The following SFMBT2 variants were observed in gnomAD, a reference collection of about 807,000 sequenced individuals.
The protein encoded by SFMBT2 is Scm like with four mbt domains 2, also known as scm-like with four MBT domains protein 2.
SFMBT2 carries 38 observed loss-of-function variants against 110.1 expected under a neutral mutation model. The observed-to-expected ratio is 0.35, with a 90% confidence interval of 0.27 to 0.45. The LOEUF (loss-of-function observed/expected upper bound fraction) is 0.45, where lower values mean the gene tolerates loss of function less well. Ranked by LOEUF, SFMBT2 falls within the 20% of genes least tolerant of loss-of-function variation. The probability of loss-of-function intolerance (pLI) is 1.00; values close to 1 mark genes in which losing one functional copy is unlikely to be tolerated. For synonymous variants in SFMBT2, 425 were observed against 425.4 expected (o/e 1.00, Z 0.01); for missense variants, 1,011 against 1,094.9 (o/e 0.92, Z 1.08).
At chr10:7,272,676 A>T (rs1001951506) in intron 7 of SFMBT2, among the ~76,000 whole-genome samples, 1 of 152,194 alleles carries the variant, frequency 6.6e-6, no homozygotes, top group Middle Eastern at 3.2e-3. Context: ...CCCAGGTGGG[A>T]CATTGGGAGA....
intron 4 of SFMBT2, among the ~76,000 whole-genome samples, chr10:7,362,565 T>C (rs1391080384): frequency 6.6e-6 from 1 of 152,238 alleles, no homozygotes; most frequent in Non-Finnish European, 1.5e-5. Flanking sequence ...TCTGGAGCTC[T>C]GCAACCTCCA....
At chr10:7,271,080 T>A (rs1841562700) in intron 7 of SFMBT2, among the ~76,000 whole-genome samples, 1 of 150,926 alleles carries the variant, frequency 6.6e-6, no homozygotes. Flanking sequence ...AGTTCAGGAG[T>A]TCAAGACCAG....
chr10:7,259,905 G>C (rs902263345), intron 7 of SFMBT2, among the ~76,000 whole-genome samples: 1 of 152,220 alleles, frequency 6.6e-6, no homozygotes, highest in Non-Finnish European at 1.5e-5. Context: ...TGCAGACCCG[G>C]TGCTGCCAGT....
chr10:7,227,597 A>G (rs1006709314), intron 10 of SFMBT2, among the ~76,000 whole-genome samples: 3 of 152,216 alleles, frequency 2.0e-5, no homozygotes, highest in African/African-American at 4.8e-5. Context: ...GGGCTCTTCC[A>G]TAAGTGAGAC....
At chr10:7,333,409 A>G (rs1330181377) in intron 4 of SFMBT2, among the ~76,000 whole-genome samples, 1 of 127,812 alleles carries the variant, frequency 7.8e-6, no homozygotes, top group African/African-American at 3.3e-5. Flanking sequence ...TTTTTTTTTT[A>G]AGGGACAGGG....
chr10:7,206,844 G>A (rs1212246963), intron 11 of SFMBT2: 11 of 981,316 alleles, frequency 1.1e-5, no homozygotes, highest in Non-Finnish European at 1.3e-5. Context: ...GGAATCAAGA[G>A]ATCAGAGCTC....
At chr10:7,365,423 A>G (rs1844863607) in intron 4 of SFMBT2, among the ~76,000 whole-genome samples, 1 of 152,236 alleles carries the variant, frequency 6.6e-6, no homozygotes, top group Non-Finnish European at 1.5e-5. Flanking sequence ...TCGATTACTC[A>G]GTGAATCTTT....
Position 7,408,510 on chromosome 10 carries a change from G to A in SFMBT2, c.-52+2351C>T, listed in dbSNP as rs932454115. On this transcript the variant is annotated intron_variant, in intron 1 of 20. Coordinates refer to ENST00000397167, the MANE Select transcript of SFMBT2 (RefSeq NM_001387889.1). This position sits in a 1 kb window ranked among gnomAD's most constrained non-coding sequence, Gnocchi z 5.7. Reference sequence around the variant, plus strand: ...ATTTAAAAACGCTTCCAGGCACCTGGCCGCTGCCAGATCAGGTTCGCGGGC... The same window carrying A: ...ATTTAAAAACGCTTCCAGGCACCTGACCGCTGCCAGATCAGGTTCGCGGGC... Among the ~76,000 whole-genome samples the A allele has an allele frequency of 2.0e-5, 3 of 152,202 alleles. No individual in the cohort carries two copies. Among genetic ancestry groups the A allele is most frequent in the Admixed American group, 1.3e-4 (2 of 15,288 alleles).
At chr10:7,308,083 A>C (rs996792475) in intron 4 of SFMBT2, among the ~76,000 whole-genome samples, 3 of 152,228 alleles carry the variant, frequency 2.0e-5, no homozygotes, top group Non-Finnish European at 4.4e-5. Context: ...AGCCAGGTGC[A>C]GCAGCTCGTG....
chr10:7,232,491 C>T lies in SFMBT2; in HGVS notation c.1121-4554G>A, dbSNP rs139244447. 7.9e-5 allele frequency among the ~76,000 whole-genome samples: 12 copies of T among 152,172 alleles called. No homozygotes were observed. The East Asian group carries it at 2.3e-3, about 29-fold the overall frequency. On this transcript the variant is annotated intron_variant, in intron 9 of 20. Coordinates refer to ENST00000397167, the MANE Select transcript of SFMBT2 (RefSeq NM_001387889.1). ...AATAGAAAATGAGATGAGACTTCTCCAAGTCTGTAGAATGCCACACAGGCA... is the reference window on the plus strand; with the variant it reads ...AATAGAAAATGAGATGAGACTTCTCTAAGTCTGTAGAATGCCACACAGGCA...
intron 1 of SFMBT2, among the ~76,000 whole-genome samples, chr10:7,391,423 G>A (rs375573429): frequency 8.2e-5 from 12 of 145,632 alleles, no homozygotes; most frequent in Admixed American, 2.1e-4. Context: ...CCAAGATAGC[G>A]CTACTGCACT....
chr10:7,340,126 G>A (rs1325188140), intron 4 of SFMBT2, among the ~76,000 whole-genome samples: 3 of 152,148 alleles, frequency 2.0e-5, no homozygotes, highest in East Asian at 3.9e-4. Context: ...GATTTGTTAC[G>A]CTTGTATGTT....
rs181229366 is a variant in SFMBT2, at chr10:7,331,785, C to T, written c.436+35864G>A. Among the ~76,000 whole-genome samples the T allele has an allele frequency of 3.3e-3, 497 of 152,136 alleles. 5 individuals are homozygous for T. The highest frequency in any genetic ancestry group is 0.011 in the African/African-American group (457 of 41,502). ...TTGGGAGGCCAAGGCAGGCGGTTCACCTGAGGTCAGGAGTTCAAAATCAGC... is the reference window on the plus strand; with the variant it reads ...TTGGGAGGCCAAGGCAGGCGGTTCATCTGAGGTCAGGAGTTCAAAATCAGC... On this transcript the variant is annotated intron_variant, in intron 4 of 20. Transcript: ENST00000397167.
intron 1 of SFMBT2, among the ~76,000 whole-genome samples, chr10:7,385,326 G>C (rs1181409906): frequency 6.6e-6 from 1 of 152,204 alleles, no homozygotes; most frequent in Non-Finnish European, 1.5e-5. Context: ...GAAGCCACAG[G>C]TGGCATGGGC....
intron 4 of SFMBT2, among the ~76,000 whole-genome samples, chr10:7,326,529 G>C (rs1843389144): frequency 6.6e-6 from 1 of 152,180 alleles, no homozygotes; most frequent in Admixed American, 6.5e-5. Context: ...TCTGAAATCA[G>C]CTTAGACAGC....
chr10:7,328,905 C>T (rs1564442888), intron 4 of SFMBT2, among the ~76,000 whole-genome samples: 1 of 152,224 alleles, frequency 6.6e-6, no homozygotes, highest in Non-Finnish European at 1.5e-5. Context: ...GAGCAGAAGG[C>T]TGCCTTCCCC....
chr10:7,390,409 A>T (rs1845731988), intron 1 of SFMBT2, among the ~76,000 whole-genome samples: 2 of 152,226 alleles, frequency 1.3e-5, no homozygotes, highest in South Asian at 4.1e-4. Flanking sequence ...CTAATATTCC[A>T]CAAATGATTC....
intron 10 of SFMBT2, among the ~76,000 whole-genome samples, chr10:7,225,448 G>T (rs1283054566): frequency 6.6e-6 from 1 of 152,188 alleles, no homozygotes; most frequent in Non-Finnish European, 1.5e-5. Flanking sequence ...CTTATAGCAA[G>T]CTAACAAATT....
At chr10:7,308,452 TA>T (rs967008539) in intron 4 of SFMBT2, among the ~76,000 whole-genome samples, 21 of 149,512 alleles carry the variant, frequency 1.4e-4, no homozygotes, top group Middle Eastern at 3.4e-3. Flanking sequence ...ACCTTTTCCT[TA>T]AAAAAAAAAT....
Sources: allele counts gnomAD v4.1 joint callset (sites outside exome capture counted in the v4.1 genomes callset), GRCh38; gene constraint gnomAD v4.1.1; non-coding constraint Gnocchi (gnomAD v3.1); transcripts MANE v1.5; gene names NCBI Gene and HGNC (gene_info 2026-07-23, HGNC 2026-07-21).